The following WDR27 variants were observed in gnomAD, a reference collection of about 807,000 sequenced individuals.
WDR27 encodes the protein WD repeat-containing protein 27.
Under a neutral mutation model 114.4 loss-of-function variants are expected in WDR27, and 100 were observed. That is an observed-to-expected ratio of 0.87 (90% CI 0.74 to 1.03). The LOEUF (loss-of-function observed/expected upper bound fraction) is 1.03. Ranked by LOEUF, WDR27 falls within the 50% of genes least tolerant of loss-of-function variation. The pLI, the probability that WDR27 is intolerant of heterozygous loss-of-function variation, is 0.00. For missense variants in WDR27, 1,129 were observed against 1,092.9 expected, an observed-to-expected ratio of 1.03 and a Z score of -0.47; for synonymous variants, 449 against 423.1, an observed-to-expected ratio of 1.06 and a Z score of -0.75.
At chr6:169,575,390 CTCCA>C (rs71010605) in intron 24 of WDR27, among the ~76,000 whole-genome samples, 9 of 43,870 alleles carry the variant, frequency 2.1e-4, no homozygotes, top group Admixed American at 1.2e-3. Context: ...CCCTCCCTCT[CTCCA>C]TCCATCCATC....
At position 169,572,841 on chromosome 6, in the gene WDR27, A is replaced by T. The variant is rs143434553; in HGVS notation, c.2524-301T>A. On this transcript the variant is annotated intron_variant, in intron 24 of 25. Coordinates refer to ENST00000448612, the MANE Select transcript of WDR27 (RefSeq NM_182552.5). The stretch of plus-strand genomic sequence containing the variant: ...TTGAGAAAATAAACCCAGATACAAA[A>T]AACATTTTATGCCCAAAGACATACA... Among the ~76,000 whole-genome samples, 1,139 of 152,306 alleles carry T rather than the reference A, an allele frequency of 7.5e-3. 5 individuals are homozygous for T. The highest frequency in any genetic ancestry group is 0.013 in the Non-Finnish European group (899 of 68,028).
At chr6:169,440,429 G>A in the WDR27 span, among the ~76,000 whole-genome samples, 2 of 151,968 alleles carry the variant, frequency 1.3e-5, no homozygotes, top group Admixed American at 1.3e-4. Flanking sequence ...CAAGCCTCAC[G>A]CCTAGTGTGT....
At chr6:169,516,807 A>ACACACACACG (rs1793718135) in intron 25 of WDR27, among the ~76,000 whole-genome samples, 1 of 150,790 alleles carries the variant, frequency 6.6e-6, no homozygotes, top group Non-Finnish European at 1.5e-5. Flanking sequence ...ACACACACAC[A>ACACACACACG]CACACACACA....
chr6:169,641,371 G>C (rs1819121937), intron 17 of WDR27, among the ~76,000 whole-genome samples: 1 of 152,178 alleles, frequency 6.6e-6, no homozygotes, highest in Non-Finnish European at 1.5e-5. Context: ...GACCACATGG[G>C]TGCCTCTTCC....
intron 24 of WDR27, among the ~76,000 whole-genome samples, chr6:169,582,631 A>G (rs916450610): frequency 2.0e-5 from 3 of 152,160 alleles, no homozygotes; most frequent in Admixed American, 1.3e-4. Context: ...AAACTTTTCC[A>G]GATTCATTTC....
At chr6:169,626,453 G>A (rs1455465909) in intron 21 of WDR27, among the ~76,000 whole-genome samples, 1 of 152,134 alleles carries the variant, frequency 6.6e-6, no homozygotes, top group Non-Finnish European at 1.5e-5. Flanking sequence ...GTGGGCGGTG[G>A]GGGGTCAGGT....
Position 169,616,037 on chromosome 6 carries a change from GA to G in WDR27, c.2224-2382del, listed in dbSNP as rs543050123. ...AGGAGGCAAGATTATATAAGCACTA[GA>G]AAAAAAAACAGATATAAGGTAAAGA... is the stretch of plus-strand genomic sequence containing the variant. On this transcript the variant is annotated intron_variant, in intron 21 of 25. Coordinates refer to ENST00000448612, the MANE Select transcript of WDR27 (RefSeq NM_182552.5). Among the ~76,000 whole-genome samples, 1,174 of 146,124 alleles carry G rather than the reference GA, an allele frequency of 8.0e-3. 11 individuals are homozygous for G. The highest frequency in any genetic ancestry group is 0.024 in the African/African-American group (952 of 39,998).
intron 1 of WDR27, among the ~76,000 whole-genome samples, chr6:169,701,120 G>A (rs1787873385): frequency 6.6e-6 from 1 of 152,170 alleles, no homozygotes; most frequent in South Asian, 2.1e-4. Context: ...ACAGAGCAGT[G>A]TGTGTAAATT....
At chr6:169,495,095 T>C (rs1790230097) in intron 25 of WDR27, among the ~76,000 whole-genome samples, 1 of 152,042 alleles carries the variant, frequency 6.6e-6, no homozygotes, top group Admixed American at 6.5e-5. Context: ...TAAACATACA[T>C]AAATTAAAAG....
Position 169,696,635 on chromosome 6 carries a change from C to T in WDR27, c.-8+4916G>A, listed in dbSNP as rs374900846. Among the ~76,000 whole-genome samples the T allele has an allele frequency of 2.0e-4, 31 of 152,348 alleles. No individual in the cohort carries two copies. In the East Asian group the frequency reaches 5.6e-3, roughly 28 times the overall value. On this transcript the variant is annotated intron_variant, in intron 1 of 25. Transcript: ENST00000448612. Reference sequence around the variant, plus strand: ...CATGTCTTAAAAACAAAAGCAGACGCCGGGCACAGTGGCTCACGCCTGTAT... The same window carrying T: ...CATGTCTTAAAAACAAAAGCAGACGTCGGGCACAGTGGCTCACGCCTGTAT...
At chr6:169,556,286 T>C (rs138739596) in intron 25 of WDR27, among the ~76,000 whole-genome samples, 139 of 152,244 alleles carry the variant, frequency 9.1e-4, no homozygotes, top group African/African-American at 3.2e-3. Context: ...CTTGGTGAGC[T>C]TGCAAGCAGA....
the WDR27 span, among the ~76,000 whole-genome samples, chr6:169,443,188 C>A: frequency 6.6e-6 from 1 of 152,120 alleles, no homozygotes; most frequent in Non-Finnish European, 1.5e-5. Context: ...CTCTGGTCTC[C>A]CCTGCCACGT....
chr6:169,605,124 A>AAAAAAAAAAT (rs1808859384), intron 22 of WDR27, among the ~76,000 whole-genome samples: 1 of 143,724 alleles, frequency 7.0e-6, no homozygotes, highest in Non-Finnish European at 1.5e-5. Context: ...AAAAAAAAAA[A>AAAAAAAAAAT]GTTTTTTTTT....
chr6:169,528,344 G>A (rs1375099678), intron 25 of WDR27, among the ~76,000 whole-genome samples: 1 of 152,050 alleles, frequency 6.6e-6, no homozygotes, highest in African/African-American at 2.4e-5. Context: ...ACTAAATATG[G>A]TTCCATTTTT....
chr6:169,618,846 T>G (rs765193884), intron 21 of WDR27, among the ~76,000 whole-genome samples: 2 of 152,122 alleles, frequency 1.3e-5, no homozygotes, highest in African/African-American at 4.8e-5. Context: ...ATGTACATTG[T>G]GCAACTGAAC....
At chr6:169,651,272 C>T (rs368759729) in intron 14 of WDR27, among the ~76,000 whole-genome samples, 31 of 150,356 alleles carry the variant, frequency 2.1e-4, no homozygotes, top group African/African-American at 7.2e-4. Context: ...GGGAGACAAG[C>T]GTGTGCGCTG....
intron 25 of WDR27, among the ~76,000 whole-genome samples, chr6:169,512,040 T>C (rs981203304): frequency 6.6e-6 from 1 of 152,186 alleles, no homozygotes; most frequent in Non-Finnish European, 1.5e-5. Context: ...CAAAGGATTT[T>C]AGTTCAAATA....
chr6:169,508,423 T>C (rs1300497188), intron 25 of WDR27, among the ~76,000 whole-genome samples: 1 of 152,226 alleles, frequency 6.6e-6, no homozygotes, highest in African/African-American at 2.4e-5. Flanking sequence ...TGTTAGGTTT[T>C]TGGCTAGAAG....
chr6:169,523,030 T>C (rs1396080940), intron 25 of WDR27, among the ~76,000 whole-genome samples: 1 of 151,856 alleles, frequency 6.6e-6, no homozygotes, highest in Non-Finnish European at 1.5e-5. Context: ...AAGTTGGTTT[T>C]ACTGACAAAC....
Sources: allele counts gnomAD v4.1 joint callset (sites outside exome capture counted in the v4.1 genomes callset), GRCh38; gene constraint gnomAD v4.1.1; transcripts MANE v1.5; gene names NCBI Gene and HGNC (gene_info 2026-07-23, HGNC 2026-07-21).